GPRC6A: variants seen among roughly 807,000 people sequenced by gnomAD.
The protein encoded by GPRC6A is G protein-coupled receptor family C group 6 member A.
Under a neutral mutation model 47.0 loss-of-function variants are expected in GPRC6A, and 54 were observed. The observed-to-expected ratio is 1.15, with a 90% CI of 0.92 to 1.44. GPRC6A has a LOEUF of 1.44. GPRC6A is among the 40% of genes most tolerant of loss of function. GPRC6A has a pLI of 0.00. For missense variants in GPRC6A, 1,112 were observed against 1,105.5 expected, an observed-to-expected ratio of 1.01 and a Z score of -0.08; for synonymous variants, 347 against 377.1, an observed-to-expected ratio of 0.92 and a Z score of 0.93.
intron 1 of GPRC6A, among the ~76,000 whole-genome samples, chr6:116,815,874 C>T (rs1172493417): frequency 6.6e-6 from 1 of 152,050 alleles, no homozygotes; most frequent in Non-Finnish European, 1.5e-5. Context: ...AAGAAAATAG[C>T]TGAGATTGGG....
chr6:116,796,128 T>C (rs886356808), intron 4 of GPRC6A, among the ~76,000 whole-genome samples: 4 of 151,964 alleles, frequency 2.6e-5, no homozygotes, highest in Non-Finnish European at 5.9e-5. Context: ...GTACTAGAAC[T>C]AAAGAAAATA....
Position 116,828,964 on chromosome 6 carries a change from G to A in GPRC6A, c.50C>T (p.Thr17Ile). The change falls in exon 1 of 6, where the codon ACT becomes ATT. Residue 17 changes from threonine to isoleucine, a missense_variant. Thr to Ile is a moderately conservative substitution (Grantham distance 89, BLOSUM62 -1). Coordinates refer to ENST00000310357, the MANE Select transcript of GPRC6A (RefSeq NM_148963.4). Reference sequence around the variant, plus strand: ...ATCAGGGGTCTGGCAAGGCTGTGAAGTAGCAAGAATAATCACAAAGCAGGT... The same window carrying A: ...ATCAGGGGTCTGGCAAGGCTGTGAAATAGCAAGAATAATCACAAAGCAGGT... Reference protein sequence around the residue: ...LITCFVIILATSQPCQTPDDF... With the variant: ...LITCFVIILAISQPCQTPDDF... 1 of 1,613,124 alleles carries A rather than the reference G, an allele frequency of 6.2e-7. No individual in the cohort carries two copies. The highest frequency in any genetic ancestry group is 1.3e-5 in the African/African-American group (1 of 74,992).
At chr6:116,801,873 A>C (rs555529864) in intron 3 of GPRC6A, among the ~76,000 whole-genome samples, 1 of 152,250 alleles carries the variant, frequency 6.6e-6, no homozygotes, top group South Asian at 2.1e-4. Flanking sequence ...TCACTAACAA[A>C]ATTTTATTCT....
chr6:116,821,129 A>G (rs1465270750), intron 1 of GPRC6A, among the ~76,000 whole-genome samples: 3 of 151,544 alleles, frequency 2.0e-5, no homozygotes, highest in South Asian at 2.1e-4. Context: ...AGAGAATAAA[A>G]TACCTAGGAA....
chr6:116,829,063 T>C lies in GPRC6A; in HGVS notation c.-50A>G, dbSNP rs190699373. The C allele has an allele frequency of 1.4e-5, 21 of 1,552,618 alleles. No homozygotes were observed. In the African/African-American group the frequency reaches 1.9e-4, roughly 14 times the overall value. ...ATGTGAGTTCTTAGGAATCATTAAG[T>C]GCACGGAGTGCCAGCAAGATTCCTA... On this transcript the variant is annotated 5_prime_UTR_variant, in exon 1 of 6. Transcript: ENST00000310357.
intron 1 of GPRC6A, among the ~76,000 whole-genome samples, chr6:116,826,811 A>G (rs1773693127): frequency 6.6e-6 from 1 of 151,938 alleles, no homozygotes; most frequent in Admixed American, 6.6e-5. Context: ...GTCCATCAAT[A>G]GAAGAATAGA....
intron 4 of GPRC6A, among the ~76,000 whole-genome samples, chr6:116,799,099 TAGG>T (rs1299647074): frequency 2.0e-5 from 3 of 152,056 alleles, no homozygotes; most frequent in Non-Finnish European, 4.4e-5. Flanking sequence ...CATGAGCAAC[TAGG>T]AGAAGGGGGT....
chr6:116,821,175 G>A (rs1773460919), intron 1 of GPRC6A, among the ~76,000 whole-genome samples: 1 of 151,872 alleles, frequency 6.6e-6, no homozygotes, highest in African/African-American at 2.4e-5. Flanking sequence ...CCTCTTCAAG[G>A]AGAACTACAA....
intron 3 of GPRC6A, 35 bp downstream of exon 3, chr6:116,806,335 G>A (rs1772834529): frequency 7.5e-7 from 1 of 1,330,726 alleles, no homozygotes. Context: ...GAAAATGATG[G>A]TAGAAGAGTT....
chr6:116,810,159 T>C (rs1031385105), intron 1 of GPRC6A, among the ~76,000 whole-genome samples: 6 of 152,184 alleles, frequency 3.9e-5, no homozygotes, highest in African/African-American at 1.4e-4. Flanking sequence ...TGATTTGTGA[T>C]TATTCCAGAG....
chr6:116,819,440 T>C (rs1000894637), intron 1 of GPRC6A, among the ~76,000 whole-genome samples: 4 of 151,646 alleles, frequency 2.6e-5, no homozygotes, highest in African/African-American at 9.7e-5. Context: ...TATTCCAAAA[T>C]TGACCACATA....
At chr6:116,807,642 A>G (rs1278948939) in intron 2 of GPRC6A, among the ~76,000 whole-genome samples, 1 of 152,206 alleles carries the variant, frequency 6.6e-6, no homozygotes, top group Non-Finnish European at 1.5e-5. Flanking sequence ...TCAAATAATC[A>G]TCTTGTCCAG....
chr6:116,820,765 AAAAACTGGAAGCATTCCCTTTG>A (rs1773439849), intron 1 of GPRC6A, among the ~76,000 whole-genome samples: 2 of 150,692 alleles, frequency 1.3e-5, no homozygotes, highest in Admixed American at 6.6e-5. Flanking sequence ...CTGAATGGGC[AAAAACTGGAAGCATTCCCTTTG>A]AAAACTGGCA....
chr6:116,819,672 C>A (rs1001494200), intron 1 of GPRC6A, among the ~76,000 whole-genome samples: 1 of 152,088 alleles, frequency 6.6e-6, no homozygotes, highest in South Asian at 2.1e-4. Context: ...AGAACAAAGA[C>A]ACAACATACC....
intron 1 of GPRC6A, among the ~76,000 whole-genome samples, chr6:116,811,473 A>T (rs1211640672): frequency 1.3e-5 from 2 of 152,142 alleles, no homozygotes; most frequent in African/African-American, 4.8e-5. Flanking sequence ...TAAATTTTTT[A>T]AAAAAGGAAC....
intron 3 of GPRC6A, among the ~76,000 whole-genome samples, chr6:116,801,871 A>G (rs1041010139): frequency 2.6e-5 from 4 of 152,156 alleles, no homozygotes; most frequent in African/African-American, 9.6e-5. Context: ...ATTCACTAAC[A>G]AAATTTTATT....
At position 116,828,909 on chromosome 6, in the gene GPRC6A, A is replaced by G. The variant is rs1773756895; in HGVS notation, c.105T>C (p.His35=). The G allele has an allele frequency of 1.2e-6, 2 of 1,613,178 alleles. No homozygotes were observed. The highest frequency in any genetic ancestry group is 1.7e-6 in the Non-Finnish European group (2 of 1,179,566). Residue 35 remains histidine (H), a synonymous_variant, in exon 1 of 6, where the codon CAT becomes CAC. Coordinates refer to ENST00000310357, the MANE Select transcript of GPRC6A (RefSeq NM_148963.4). ...DDFVAATSPG[H]IIIGGLFAIH... is the part of the protein sequence containing the mutation. The stretch of plus-strand genomic sequence containing the variant: ...TAGCAAACAAACCTCCAATTATGAT[A>G]TGTCCCGGAGAAGTGGCAGCCACAA...
In GPRC6A at chr6:116,824,823, C is replaced by T. The variant is rs559133482; in HGVS notation, c.194+3997G>A. Among the ~76,000 whole-genome samples the T allele has an allele frequency of 2.0e-4, 31 of 152,046 alleles. No individual in the cohort carries two copies. The East Asian group carries it at 4.2e-3, about 21-fold the overall frequency. ...ACCATAGACCAATATCTCTGATGAA[C>T]ATACATGCAAAAATCCTCAAAAAAT... On this transcript the variant is annotated intron_variant, in intron 1 of 5. Coordinates refer to ENST00000310357, the MANE Select transcript of GPRC6A (RefSeq NM_148963.4).
rs759427603 is a variant in GPRC6A, at chr6:116,792,823, G to T, written c.2100C>A (p.Cys700Ter). 4.3e-6 allele frequency: 7 copies of T among 1,614,022 alleles called. No individual in the cohort carries two copies. The East Asian group carries it at 1.6e-4, about 36-fold the overall frequency. ...FDPKLQKFLKCLYRPILIIFT... is the reference protein window; with the variant it reads ...FDPKLQKFLK ...AGATAATAAGGATCGGTCTATAGAG[G>T]CACTTCAGAAATTTCTGTAATTTGG... is the stretch of plus-strand genomic sequence containing the variant. Residue 700 changes from cysteine (C) to a stop codon, truncating the protein, a stop_gained, in exon 6 of 6, where the codon TGC (cysteine) becomes TGA (stop). Coordinates refer to ENST00000310357, the MANE Select transcript of GPRC6A (RefSeq NM_148963.4). LOFTEE classifies it low-confidence loss of function (END_TRUNC).
Sources: gnomAD v4.1 joint callset for allele counts (sites outside exome capture counted in the v4.1 genomes callset) on GRCh38, gnomAD v4.1.1 for gene constraint, MANE v1.5 for transcripts, NCBI Gene and HGNC (gene_info 2026-07-23, HGNC 2026-07-21) for gene names.